Variants in EPHA3 observed in about 807,000 individuals in gnomAD.
EPHA3 encodes EPH receptor A3, also known as ephrin type-A receptor 3.
EPHA3 carries 42 observed loss-of-function variants against 107.1 expected under a neutral mutation model. The ratio of observed to expected loss-of-function variants is 0.39; its 90% CI spans 0.31 to 0.51. The LOEUF is 0.51. Among genes scored for constraint, EPHA3 ranks in the 20% least tolerant of loss-of-function variants. The pLI, the probability that EPHA3 is intolerant of heterozygous loss-of-function variation, is 0.78. For synonymous variants in EPHA3, 461 were observed against 424.8 expected, an observed-to-expected ratio of 1.09 and a Z score of -1.05; for missense variants, 1,183 against 1,211.2, an observed-to-expected ratio of 0.98 and a Z score of 0.35.
chr3:89,330,572 T>C (rs546666665), intron 3 of EPHA3, among the ~76,000 whole-genome samples: 5 of 152,160 alleles, frequency 3.3e-5, no homozygotes, highest in African/African-American at 4.8e-5. Context: ...TAGAAATGTA[T>C]GTTAATTTAA....
At chr3:89,280,810 T>G (rs916314974) in intron 3 of EPHA3, among the ~76,000 whole-genome samples, 1 of 152,154 alleles carries the variant, frequency 6.6e-6, no homozygotes, top group East Asian at 1.9e-4. Flanking sequence ...TAGGGTAGAT[T>G]TTGAGTTATT....
At chr3:89,455,070 T>C (rs1235200256) in intron 15 of EPHA3, among the ~76,000 whole-genome samples, 1 of 152,206 alleles carries the variant, frequency 6.6e-6, no homozygotes, top group Non-Finnish European at 1.5e-5. Context: ...CTTATTCAAA[T>C]AAATTTTATT....
chr3:89,414,907 T>C (rs920110158), intron 10 of EPHA3, among the ~76,000 whole-genome samples: 5 of 151,616 alleles, frequency 3.3e-5, no homozygotes, highest in Non-Finnish European at 7.4e-5. Flanking sequence ...TCCTTCCTAT[T>C]TCTGTCTTCA....
intron 5 of EPHA3, among the ~76,000 whole-genome samples, chr3:89,392,966 A>G (rs7639360): frequency 0.016 from 2,434 of 152,238 alleles, 68 homozygotes; most frequent in African/African-American, 0.055. Context: ...CTCTTTCTCC[A>G]TTATGTTTTA....
At chr3:89,299,506 A>G (rs1464337034) in intron 3 of EPHA3, among the ~76,000 whole-genome samples, 1 of 152,026 alleles carries the variant, frequency 6.6e-6, no homozygotes, top group African/African-American at 2.4e-5. Context: ...ATCATCATAA[A>G]ATATAAAAAA....
intron 3 of EPHA3, among the ~76,000 whole-genome samples, chr3:89,329,805 T>C (rs995045198): frequency 6.6e-6 from 1 of 152,128 alleles, no homozygotes; most frequent in Non-Finnish European, 1.5e-5. Flanking sequence ...TTGTTCCATA[T>C]GCTTGAGAAG....
At chr3:89,146,581 A>G (rs2107030480) in intron 2 of EPHA3, among the ~76,000 whole-genome samples, 1 of 152,080 alleles carries the variant, frequency 6.6e-6, no homozygotes, top group South Asian at 2.1e-4. Context: ...ATTTTCTCCC[A>G]TTCTGTAGGT....
At chr3:89,400,097 A>C (rs1022860085) in intron 7 of EPHA3, 1 of 1,011,128 alleles carries the variant, frequency 9.9e-7, no homozygotes, top group East Asian at 6.5e-5. Context: ...CCTTTGCTAA[A>C]ATATAATTTT....
chr3:89,198,978 T>C (rs1438141035), intron 2 of EPHA3, among the ~76,000 whole-genome samples: 2 of 152,216 alleles, frequency 1.3e-5, no homozygotes, highest in Non-Finnish European at 2.9e-5. Context: ...GCAGTTATAC[T>C]GAATTCTAAA....
chr3:89,302,896 T>G (rs1706524786), intron 3 of EPHA3, among the ~76,000 whole-genome samples: 1 of 152,112 alleles, frequency 6.6e-6, no homozygotes, highest in Non-Finnish European at 1.5e-5. Context: ...TTTTTTTATT[T>G]TATTTAATTT....
chr3:89,274,324 C>A (rs916418380), intron 3 of EPHA3, among the ~76,000 whole-genome samples: 3 of 151,854 alleles, frequency 2.0e-5, no homozygotes, highest in African/African-American at 7.2e-5. Context: ...TCTGTTATGT[C>A]AGTACTCTAG....
At chr3:89,209,287 G>A (rs759742048) in intron 2 of EPHA3, among the ~76,000 whole-genome samples, 2 of 152,032 alleles carry the variant, frequency 1.3e-5, no homozygotes, top group African/African-American at 4.8e-5. Context: ...GTGGGGTGAG[G>A]AACATTTCTA....
chr3:89,199,933 G>A (rs193057586), intron 2 of EPHA3, among the ~76,000 whole-genome samples: 29 of 152,260 alleles, frequency 1.9e-4, no homozygotes, highest in African/African-American at 6.5e-4. Context: ...AAAATAGGGC[G>A]CTTACTTGGT....
At position 89,449,248 on chromosome 3, in the gene EPHA3, G is replaced by A. The variant is rs2107553262; in HGVS notation, c.2370G>A (p.Trp790Ter). The A allele has an allele frequency of 6.2e-7, 1 of 1,608,338 alleles. No individual in the cohort carries two copies. Reference sequence around the variant, plus strand: ...AGGGAGGGAAGATCCCAATCAGGTGGACATCACCAGAAGCTATAGCCTACC... The same window carrying A: ...AGGGAGGGAAGATCCCAATCAGGTGAACATCACCAGAAGCTATAGCCTACC... ...TTRGGKIPIR[W>*]TSPEAIAYRK... Residue 790 changes from tryptophan (W) to a stop codon, truncating the protein, a stop_gained, in exon 14 of 17, where the codon TGG (tryptophan) becomes TGA (stop). Transcript: ENST00000336596. LOFTEE classifies it high-confidence loss of function.
At chr3:89,183,446 C>T (rs1037181889) in intron 2 of EPHA3, among the ~76,000 whole-genome samples, 1 of 151,742 alleles carries the variant, frequency 6.6e-6, no homozygotes, top group Non-Finnish European at 1.5e-5. Context: ...ACCAAATACC[C>T]AAAGATATGT....
At chr3:89,297,768 C>A (rs1396674520) in intron 3 of EPHA3, among the ~76,000 whole-genome samples, 1 of 152,064 alleles carries the variant, frequency 6.6e-6, no homozygotes, top group East Asian at 1.9e-4. Flanking sequence ...GGCATGGTGG[C>A]TCACGCCTGT....
intron 3 of EPHA3, among the ~76,000 whole-genome samples, chr3:89,265,674 C>G (rs2107288628): frequency 6.6e-6 from 1 of 152,098 alleles, no homozygotes; most frequent in South Asian, 2.1e-4. Context: ...AAAAGTATAG[C>G]AGAACCAATT....
At chr3:89,261,911 C>T (rs1357614346) in intron 3 of EPHA3, among the ~76,000 whole-genome samples, 1 of 151,532 alleles carries the variant, frequency 6.6e-6, no homozygotes, top group Non-Finnish European at 1.5e-5. Context: ...CTTTGACCAA[C>T]ACACAGACAC....
In EPHA3 at chr3:89,413,165, A is replaced by G; in HGVS notation, c.1787A>G (p.Tyr596Cys). 3 of 1,611,566 alleles carry G rather than the reference A, an allele frequency of 1.9e-6. No individual in the cohort carries two copies. The highest frequency in any genetic ancestry group is 2.5e-6 in the Non-Finnish European group (3 of 1,178,262). The change falls in exon 10 of 17, where the codon TAT (tyrosine) becomes TGT (cysteine). Residue 596 changes from tyrosine (Y) to cysteine (C), a missense_variant. Physicochemically the swap from Tyr to Cys is radical, Grantham distance 194. Coordinates refer to ENST00000336596, the MANE Select transcript of EPHA3 (RefSeq NM_005233.6). The stretch of plus-strand genomic sequence containing the variant: ...GTAAAACTTCCAGGTCTCAGGACTT[A>G]TGTTGACCCACATACATATGAAGAC... ...GHLKLPGLRT[Y>C]VDPHTYEDPT...
Sources: allele counts gnomAD v4.1 joint callset (sites outside exome capture counted in the v4.1 genomes callset), GRCh38; gene constraint gnomAD v4.1.1; transcripts MANE v1.5; gene names NCBI Gene and HGNC (gene_info 2026-07-23, HGNC 2026-07-21).